UBE2E2: variants seen among roughly 807,000 people sequenced by gnomAD.
UBE2E2 encodes the protein ubiquitin conjugating enzyme E2 E2.
In UBE2E2, 6 loss-of-function variants were observed where a neutral mutation model predicts 24.7. That is an observed-to-expected ratio of 0.24 (90% CI 0.13 to 0.48). UBE2E2 has a LOEUF of 0.48. Among genes scored for constraint, UBE2E2 ranks in the 20% least tolerant of loss-of-function variants. The pLI, the probability that UBE2E2 is intolerant of heterozygous loss-of-function variation, is 0.99. For synonymous variants in UBE2E2, 104 were observed against 83.6 expected, an observed-to-expected ratio of 1.24 and a Z score of -1.33; for missense variants, 169 against 245.0, an observed-to-expected ratio of 0.69 and a Z score of 2.07.
Position 23,295,292 on chromosome 3 carries a change from A to AT in UBE2E2, c.227+77987dup, listed in dbSNP as rs547079714. 4.1e-4 allele frequency among the ~76,000 whole-genome samples: 62 copies of AT among 151,594 alleles called. 1 individual carries two copies. In the East Asian group the frequency reaches 0.011, roughly 26 times the overall value. On this transcript the variant is annotated intron_variant, in intron 3 of 5. Coordinates refer to ENST00000396703, the MANE Select transcript of UBE2E2 (RefSeq NM_152653.4). ...TCTCTGATCCTTGCTTTTTTTGTTT[A>AT]TTTTTTTATTTTTGTTTTTGGCTGT...
Position 23,525,588 on chromosome 3 carries a change from C to G in UBE2E2, c.361-6966C>G, listed in dbSNP as rs141903570. The stretch of plus-strand genomic sequence containing the variant: ...ACCTATCATTGAGAAAAGGTGGCTA[C>G]CATTGTAAACATCAGTTATTGAGCT... On this transcript the variant is annotated intron_variant, in intron 4 of 5. Transcript: ENST00000396703. Among the ~76,000 whole-genome samples the G allele has an allele frequency of 6.4e-4, 98 of 152,324 alleles. 5 individuals are homozygous for G. The East Asian group carries it at 0.015, about 24-fold the overall frequency.
intron 3 of UBE2E2, among the ~76,000 whole-genome samples, chr3:23,337,910 C>G (rs779983889): frequency 6.6e-6 from 1 of 152,090 alleles, no homozygotes; most frequent in Non-Finnish European, 1.5e-5. Flanking sequence ...GGCTAAGCCC[C>G]TGGAGATTGG....
At chr3:23,429,565 C>G (rs1221400791) in intron 3 of UBE2E2, among the ~76,000 whole-genome samples, 1 of 152,076 alleles carries the variant, frequency 6.6e-6, no homozygotes, top group Non-Finnish European at 1.5e-5. Flanking sequence ...GGGCACTTGA[C>G]AAAATTCAAC....
chr3:23,403,098 G>C (rs1469902608), intron 3 of UBE2E2, among the ~76,000 whole-genome samples: 1 of 152,136 alleles, frequency 6.6e-6, no homozygotes, highest in African/African-American at 2.4e-5. Context: ...TATACATTCA[G>C]AATCAAATTA....
chr3:23,446,007 C>T (rs1698421154), intron 3 of UBE2E2, among the ~76,000 whole-genome samples: 2 of 151,986 alleles, frequency 1.3e-5, no homozygotes, highest in Admixed American at 1.3e-4. Context: ...AGAGAGAGAC[C>T]CCATTTCTTA....
At chr3:23,501,765 A>G (rs1171423267) in intron 4 of UBE2E2, among the ~76,000 whole-genome samples, 1 of 152,164 alleles carries the variant, frequency 6.6e-6, no homozygotes. Flanking sequence ...GGGACAGTCA[A>G]CTTGTGTGTA....
intron 3 of UBE2E2, among the ~76,000 whole-genome samples, chr3:23,374,756 G>A (rs1333750825): frequency 6.6e-6 from 1 of 152,106 alleles, no homozygotes; most frequent in Non-Finnish European, 1.5e-5. Flanking sequence ...CCTTTAGGGA[G>A]TGCTGAATTA....
At chr3:23,588,942 C>T (rs554477335) in intron 5 of UBE2E2, among the ~76,000 whole-genome samples, 1 of 152,188 alleles carries the variant, frequency 6.6e-6, no homozygotes, top group African/African-American at 2.4e-5. Flanking sequence ...TCTCTCCCCT[C>T]TTTTGACTGT....
chr3:23,334,055 AAAG>A (rs1695139955), intron 3 of UBE2E2, among the ~76,000 whole-genome samples: 1 of 152,192 alleles, frequency 6.6e-6, no homozygotes, highest in African/African-American at 2.4e-5. Flanking sequence ...ATTATTTAGA[AAAG>A]AAGCAGTTTC....
At chr3:23,305,287 A>G (rs1186866299) in intron 3 of UBE2E2, among the ~76,000 whole-genome samples, 1 of 152,252 alleles carries the variant, frequency 6.6e-6, no homozygotes, top group Non-Finnish European at 1.5e-5. Context: ...TTTAACAGGT[A>G]TACAAATGCT....
At chr3:23,383,419 A>G (rs561239719) in intron 3 of UBE2E2, among the ~76,000 whole-genome samples, 2 of 152,258 alleles carry the variant, frequency 1.3e-5, no homozygotes, top group East Asian at 1.9e-4. Flanking sequence ...ATCAACAACT[A>G]TATAGAATGA....
chr3:23,419,977 A>T (rs1055080300), intron 3 of UBE2E2, among the ~76,000 whole-genome samples: 2 of 152,184 alleles, frequency 1.3e-5, no homozygotes, highest in African/African-American at 4.8e-5. Flanking sequence ...CAAAATGCCT[A>T]CTACTGGTGG....
intron 4 of UBE2E2, among the ~76,000 whole-genome samples, chr3:23,530,305 T>G (rs1695092443): frequency 2.0e-5 from 3 of 152,222 alleles, no homozygotes; most frequent in African/African-American, 7.2e-5. Flanking sequence ...TACTAATCTT[T>G]AGTCTGGTTG....
intron 3 of UBE2E2, 148 bp from the exon 4 acceptor site, chr3:23,499,460 T>G: frequency 1.1e-6 from 1 of 948,036 alleles, no homozygotes; most frequent in Non-Finnish European, 1.5e-6. Context: ...AATGACAATA[T>G]TGGCAATATG....
rs59243406 is a variant in UBE2E2, at chr3:23,571,280, C to CTTT, written c.509-18429_509-18427dup. Among the ~76,000 whole-genome samples, 242 of 29,874 alleles carry CTTT rather than the reference C, an allele frequency of 8.1e-3. 83 individuals carry two copies. Among genetic ancestry groups the CTTT allele is most frequent in the East Asian group, 0.032 (29 of 906 alleles). 19.6% of individuals were successfully genotyped at this position (29,874 alleles called of 152,430 possible). A position where few individuals can be genotyped will look rare whatever the true frequency, so the allele number is the denominator to read the frequency against. The stretch of plus-strand genomic sequence containing the variant: ...AGTCCCCTCACCTGTGTGCTCCTTT[C>CTTT]TTTTTTTTTTTTTTTTTTTTTTTTT... On this transcript the variant is annotated intron_variant, in intron 5 of 5. Coordinates refer to ENST00000396703, the MANE Select transcript of UBE2E2 (RefSeq NM_152653.4).
chr3:23,240,807 A>G (rs1446065400), intron 3 of UBE2E2, among the ~76,000 whole-genome samples: 2 of 152,208 alleles, frequency 1.3e-5, no homozygotes, highest in Admixed American at 1.3e-4. Context: ...GAGTGTATGC[A>G]GTAACTTTTT....
chr3:23,284,962 A>T (rs11425339), intron 3 of UBE2E2, among the ~76,000 whole-genome samples: 11,103 of 141,502 alleles, frequency 0.078, 511 homozygotes, highest in African/African-American at 0.13. Context: ...TGGAAAAAAA[A>T]ATATATATAT....
At chr3:23,375,358 C>T (rs1026265953) in intron 3 of UBE2E2, among the ~76,000 whole-genome samples, 1 of 152,132 alleles carries the variant, frequency 6.6e-6, no homozygotes, top group African/African-American at 2.4e-5. Context: ...GAGAATGCTA[C>T]CTGATCCAAA....
At chr3:23,267,511 G>T (rs1487228954) in intron 3 of UBE2E2, among the ~76,000 whole-genome samples, 3 of 152,104 alleles carry the variant, frequency 2.0e-5, no homozygotes, top group Non-Finnish European at 4.4e-5. Context: ...CCAGGAAGAA[G>T]TTGAATCTCT....
Sources: gnomAD v4.1 joint callset for allele counts (sites outside exome capture counted in the v4.1 genomes callset) on GRCh38, gnomAD v4.1.1 for gene constraint, MANE v1.5 for transcripts, NCBI Gene and HGNC (gene_info 2026-07-23, HGNC 2026-07-21) for gene names.